Variants in UGGT1 observed in about 807,000 individuals in gnomAD.
UGGT1 encodes the protein UDP-glucose glycoprotein glucosyltransferase 1, also known as UDP-glucose:glycoprotein glucosyltransferase 1.
UGGT1 carries 107 observed loss-of-function variants against 203.9 expected under a neutral mutation model. That is an observed-to-expected ratio of 0.52 (90% CI 0.45 to 0.62). UGGT1 has a LOEUF of 0.62. Among genes scored for constraint, UGGT1 ranks in the 20% least tolerant of loss-of-function variants. UGGT1 has a pLI of 0.00. For synonymous variants in UGGT1, 628 were observed against 653.5 expected, an observed-to-expected ratio of 0.96 and a Z score of 0.59; for missense variants, 1,673 against 1,867.2, an observed-to-expected ratio of 0.90 and a Z score of 1.92.
chr2:128,115,751 T>C (rs6746825), intron 7 of UGGT1, among the ~76,000 whole-genome samples: 136,892 of 152,068 alleles, frequency 0.9, 62,393 homozygotes, highest in Non-Finnish European at 0.98. Context: ...TATTATTTTA[T>C]CTACAAGTTT....
intron 13 of UGGT1, among the ~76,000 whole-genome samples, chr2:128,129,678 C>T (rs1382127536): frequency 1.3e-5 from 2 of 152,050 alleles, no homozygotes; most frequent in Non-Finnish European, 2.9e-5. Context: ...CGATTATAGG[C>T]GTGAACCAGT....
At chr2:128,141,539 A>T (rs981179850) in intron 16 of UGGT1, among the ~76,000 whole-genome samples, 2 of 151,956 alleles carry the variant, frequency 1.3e-5, no homozygotes, top group Non-Finnish European at 2.9e-5. Flanking sequence ...TGGCAGGCAG[A>T]GCTTGCAATG....
At chr2:128,109,884 C>T in intron 5 of UGGT1, 138 bp downstream of exon 5, 1 of 642,060 alleles carries the variant, frequency 1.6e-6, no homozygotes, top group Middle Eastern at 3.7e-4. Flanking sequence ...ACCAGACTGA[C>T]TATATTTGAA....
At chr2:128,096,241 A>G (rs1453150669) in intron 1 of UGGT1, among the ~76,000 whole-genome samples, 2 of 152,282 alleles carry the variant, frequency 1.3e-5, no homozygotes, top group South Asian at 2.1e-4. Context: ...TTGGGAAGCC[A>G]CTAAAATTTT....
intron 2 of UGGT1, among the ~76,000 whole-genome samples, chr2:128,098,460 A>T (rs1209244978): frequency 3.9e-5 from 6 of 152,198 alleles, no homozygotes; most frequent in Non-Finnish European, 7.4e-5. Context: ...TTCTTTTTAA[A>T]TGATAAAACG....
At chr2:128,094,449 A>G (rs1015205807) in intron 1 of UGGT1, among the ~76,000 whole-genome samples, 1 of 152,188 alleles carries the variant, frequency 6.6e-6, no homozygotes, top group Non-Finnish European at 1.5e-5. Flanking sequence ...GGCACTTTAC[A>G]AAGTGATTTT....
At chr2:128,161,697 C>G (rs1252561487) in intron 25 of UGGT1, among the ~76,000 whole-genome samples, 1 of 152,102 alleles carries the variant, frequency 6.6e-6, no homozygotes, top group East Asian at 1.9e-4. Context: ...TGAGTTGTTT[C>G]CCTTGTATCT....
rs1558792161 is a variant in UGGT1, at chr2:128,145,977, G to A, written c.2016+10G>A. 3.1e-6 allele frequency: 5 copies of A among 1,613,326 alleles called. No individual in the cohort carries two copies. Among genetic ancestry groups the A allele is most frequent in the African/African-American group, 1.3e-5 (1 of 74,928 alleles). ...AAGAGCGGTGTACTTGGTGAGTCAC[G>A]TTTCAAGGCTGATTTTTTAAAGAGA... On this transcript the variant is annotated intron_variant, in intron 18 of 40. Transcript: ENST00000259253.
intron 15 of UGGT1, among the ~76,000 whole-genome samples, chr2:128,135,490 T>G (rs1203794037): frequency 6.6e-6 from 1 of 152,238 alleles, no homozygotes; most frequent in Non-Finnish European, 1.5e-5. Flanking sequence ...TATTTTCACC[T>G]ACATTCTAAA....
chr2:128,126,286 G>A (rs1416163862), intron 11 of UGGT1, among the ~76,000 whole-genome samples: 1 of 151,546 alleles, frequency 6.6e-6, no homozygotes, highest in African/African-American at 2.4e-5. Flanking sequence ...CTGTTGCCCA[G>A]GCTGAATGCA....
chr2:128,175,905 G>C (rs1204858435), intron 31 of UGGT1, among the ~76,000 whole-genome samples: 1 of 152,174 alleles, frequency 6.6e-6, no homozygotes, highest in Admixed American at 6.5e-5. Flanking sequence ...CTTGAAATTT[G>C]GTGACTGGAA....
At chr2:128,151,213 T>C (rs1259309834) in intron 18 of UGGT1, 5 of 573,262 alleles carry the variant, frequency 8.7e-6, no homozygotes, top group African/African-American at 1.9e-5. Context: ...TTTTAGCTCC[T>C]ATTTTTGTTT....
chr2:128,183,665 C>G lies in UGGT1; in HGVS notation c.4245-10C>G, dbSNP rs377392318. The G allele has an allele frequency of 3.7e-5, 60 of 1,608,226 alleles. No individual in the cohort carries two copies. Among genetic ancestry groups the G allele is most frequent in the Non-Finnish European group, 4.9e-5 (58 of 1,174,992 alleles). ...TGGTTGGTTGTAACAAGCGGGTCTT[C>G]TTTATTCAGTGCACTATATGTTGTG... On this transcript the variant is annotated splice_polypyrimidine_tract_variant and intron_variant, in intron 37 of 40. Transcript: ENST00000259253.
chr2:128,177,830 A>T lies in UGGT1; in HGVS notation c.3625-2A>T. On this transcript the variant is annotated splice_acceptor_variant, in intron 32 of 40. Coordinates refer to ENST00000259253, the MANE Select transcript of UGGT1 (RefSeq NM_020120.4). LOFTEE classifies it high-confidence loss of function. Reference sequence around the variant, plus strand: ...AGTAAGGTTTATCACATTTGATTGCAGGTTCAGAAGAAGGCAGATATGGTG... The same window carrying T: ...AGTAAGGTTTATCACATTTGATTGCTGGTTCAGAAGAAGGCAGATATGGTG... 1 of 1,595,538 alleles carries T rather than the reference A, an allele frequency of 6.3e-7. No individual in the cohort carries two copies.
At chr2:128,126,205 G>A (rs1271856263) in intron 11 of UGGT1, among the ~76,000 whole-genome samples, 1 of 150,974 alleles carries the variant, frequency 6.6e-6, no homozygotes, top group East Asian at 2.0e-4. Context: ...GCCTCCCAAA[G>A]TGGTGGGATT....
chr2:128,112,454 T>TTATACATATATATATATATATATATATA (rs1553433489), intron 5 of UGGT1, among the ~76,000 whole-genome samples: 2 of 55,810 alleles, frequency 3.6e-5, no homozygotes, highest in Non-Finnish European at 7.5e-5. Flanking sequence ...AAATACTATG[T>TTATACATATATATATATATATATATATA]TATATATATA....
In UGGT1 at chr2:128,177,882, G is replaced by A. The variant is rs145360367; in HGVS notation, c.3675G>A (p.Thr1225=). ...MVNEDLLSDG[T]SENESGFWDS... is the part of the protein sequence containing the mutation. ...ACGAAGACTTGCTGAGTGATGGAAC[G>A]AGTGAGAATGAATCTGGATTTTGGG... The change falls in exon 33 of 41, where the codon ACG becomes ACA. Residue 1225 remains threonine (T), a synonymous_variant. Transcript: ENST00000259253. 7.3e-5 allele frequency: 117 copies of A among 1,605,056 alleles called. No homozygotes were observed. In the African/African-American group the frequency reaches 1.4e-3, roughly 19 times the overall value.
At chr2:128,167,999 C>G (rs1451415784) in intron 26 of UGGT1, among the ~76,000 whole-genome samples, 1 of 152,198 alleles carries the variant, frequency 6.6e-6, no homozygotes, top group Non-Finnish European at 1.5e-5. Flanking sequence ...GAGACTCTCT[C>G]TCTGGTTCCC....
chr2:128,157,697 G>A (rs1690307069), intron 22 of UGGT1, among the ~76,000 whole-genome samples: 1 of 152,238 alleles, frequency 6.6e-6, no homozygotes, highest in South Asian at 2.1e-4. Context: ...TACCACGACA[G>A]AGGTCTGGAC....
Sources: gnomAD v4.1 joint callset for allele counts (sites outside exome capture counted in the v4.1 genomes callset) on GRCh38, gnomAD v4.1.1 for gene constraint, MANE v1.5 for transcripts, NCBI Gene and HGNC (gene_info 2026-07-23, HGNC 2026-07-21) for gene names.